ELAVL4: variants seen among roughly 807,000 people sequenced by gnomAD.
ELAVL4 encodes the protein ELAV-like protein 4.
In ELAVL4, 1 loss-of-function variant was observed where a neutral mutation model predicts 35.6. That is an observed-to-expected ratio of 0.03 (90% CI 0.01 to 0.13). The LOEUF is 0.13. Among genes scored for constraint, ELAVL4 ranks in the 10% least tolerant of loss-of-function variants. The pLI is 1.00. For synonymous variants in ELAVL4, 156 were observed against 171.0 expected, an observed-to-expected ratio of 0.91 and a Z score of 0.69; for missense variants, 267 against 464.9, an observed-to-expected ratio of 0.57 and a Z score of 3.91.
At chr1:50,172,340 T>G (rs1159354639) in intron 2 of ELAVL4, among the ~76,000 whole-genome samples, 2 of 152,196 alleles carry the variant, frequency 1.3e-5, no homozygotes, top group Non-Finnish European at 2.9e-5. Flanking sequence ...CTGGAGATAA[T>G]TTACTCTTTC....
At chr1:50,184,709 T>TA (rs1557850449) in intron 3 of ELAVL4, among the ~76,000 whole-genome samples, 2 of 152,162 alleles carry the variant, frequency 1.3e-5, no homozygotes, top group Non-Finnish European at 2.9e-5. Flanking sequence ...AGAACCTGTG[T>TA]AGCTATCAGA....
chr1:50,151,043 C>T (rs1674695501), intron 2 of ELAVL4, among the ~76,000 whole-genome samples: 1 of 152,190 alleles, frequency 6.6e-6, no homozygotes, highest in Non-Finnish European at 1.5e-5. Flanking sequence ...GACGGAGTCT[C>T]ACATAATCCT....
Position 50,201,965 on chromosome 1 carries a change from A to G in ELAVL4, c.*787A>G, listed in dbSNP as rs1428880217. ...CAAGAGAATCTGGATTTGAGAAAAA[A>G]ATATTTTGACTGGCTAATTTAGGGG... On this transcript the variant is annotated 3_prime_UTR_variant, in exon 7 of 7. Coordinates refer to ENST00000371824, the MANE Select transcript of ELAVL4 (RefSeq NM_001144774.3). The surrounding 1 kb of genome is among the most constrained non-coding windows in gnomAD (Gnocchi z 4.3). 1 of 152,174 alleles carries G rather than the reference A, an allele frequency of 6.6e-6. No individual in the cohort carries two copies. Among genetic ancestry groups the G allele is most frequent in the African/African-American group, 2.4e-5 (1 of 41,444 alleles). 9.4% of individuals were successfully genotyped at this position (152,174 alleles called of 1,614,324 possible).
intron 2 of ELAVL4, 85 bp from the exon 3 acceptor site, chr1:50,177,001 TAAA>T: frequency 1.8e-6 from 2 of 1,116,544 alleles, no homozygotes; most frequent in Non-Finnish European, 2.6e-6. Context: ...GTTGCCTCTA[TAAA>T]GATACTGAGC....
chr1:50,133,625 AAGAAAG>A (rs944700687), intron 1 of ELAVL4, among the ~76,000 whole-genome samples: 2 of 150,904 alleles, frequency 1.3e-5, no homozygotes, highest in Admixed American at 6.6e-5. Flanking sequence ...GAAAGAAAGA[AAGAAAG>A]AAAGAAAGAA....
In ELAVL4 at chr1:50,156,859, ATTG is replaced by A. The variant is rs575150879; in HGVS notation, c.250+11664_250+11666del. 1.4e-3 allele frequency among the ~76,000 whole-genome samples: 212 copies of A among 152,308 alleles called. 1 individual carries two copies. In the Middle Eastern group the frequency reaches 0.017, roughly 12 times the overall value. ...TCCTGAGTCATGAATGTGGCTGTAC[ATTG>A]TATTCCAGTAAACCTCAGGAATAGC... On this transcript the variant is annotated intron_variant, in intron 2 of 6. Transcript: ENST00000371824.
intron 2 of ELAVL4, among the ~76,000 whole-genome samples, chr1:50,165,352 A>G (rs1325513603): frequency 2.0e-5 from 3 of 151,696 alleles, no homozygotes; most frequent in African/African-American, 4.8e-5. Context: ...CTGCTCTAAC[A>G]TCATGTTAGC....
At chr1:50,109,607 A>C in intron 1 of ELAVL4, 1 of 418,226 alleles carries the variant, frequency 2.4e-6, no homozygotes, top group South Asian at 3.2e-5. Flanking sequence ...GGAATCTCTC[A>C]ATTTCCGTGC....
chr1:50,089,315 G>T (rs1665390299), intron 1 of ELAVL4, among the ~76,000 whole-genome samples: 1 of 152,190 alleles, frequency 6.6e-6, no homozygotes, highest in African/African-American at 2.4e-5. Context: ...AATTAAAGAT[G>T]TAAGGCATTG....
At chr1:50,162,373 A>T (rs1038820256) in intron 2 of ELAVL4, among the ~76,000 whole-genome samples, 2 of 152,178 alleles carry the variant, frequency 1.3e-5, no homozygotes, top group Non-Finnish European at 2.9e-5. Flanking sequence ...CCCTTAAGGA[A>T]CTTAGGGTCT....
chr1:50,065,113 G>C (rs1284853001), intron 1 of ELAVL4, among the ~76,000 whole-genome samples: 1 of 152,118 alleles, frequency 6.6e-6, no homozygotes, highest in African/African-American at 2.4e-5. Flanking sequence ...TGGAGTTACA[G>C]CCCAACCAGT....
intron 1 of ELAVL4, among the ~76,000 whole-genome samples, chr1:50,098,841 A>AGCATCCTTTCTGGGCATAAGAGG (rs1324399099): frequency 1.3e-5 from 2 of 152,192 alleles, no homozygotes; most frequent in Middle Eastern, 3.2e-3. Context: ...AGAGAAAGGA[A>AGCATCCTTTCTGGGCATAAGAGG]GCATCCTTTC....
intron 1 of ELAVL4, among the ~76,000 whole-genome samples, chr1:50,077,546 A>G (rs1387313349): frequency 6.6e-6 from 1 of 152,204 alleles, no homozygotes; most frequent in Non-Finnish European, 1.5e-5. Context: ...TATTCAGTCT[A>G]CTGAGCCAAA....
chr1:50,171,811 A>T (rs1230252975), intron 2 of ELAVL4, among the ~76,000 whole-genome samples: 2 of 152,142 alleles, frequency 1.3e-5, no homozygotes, highest in Non-Finnish European at 2.9e-5. Context: ...AGCAAGAAAG[A>T]CCTCTCAGAA....
chr1:50,195,957 G>A (rs1644032180), intron 5 of ELAVL4, among the ~76,000 whole-genome samples, 171 bp downstream of exon 5: 3 of 152,182 alleles, frequency 2.0e-5, no homozygotes, highest in African/African-American at 7.2e-5. Context: ...AAATGAGACA[G>A]TTGGAGCAGA....
intron 1 of ELAVL4, among the ~76,000 whole-genome samples, chr1:50,055,546 G>A (rs374944869): frequency 2.6e-5 from 4 of 151,952 alleles, no homozygotes; most frequent in African/African-American, 7.2e-5. Flanking sequence ...TGATCCACCC[G>A]CCTCGGCCTC....
intron 6 of ELAVL4, among the ~76,000 whole-genome samples, chr1:50,198,918 C>G (rs1182319210): frequency 2.0e-5 from 3 of 152,326 alleles, no homozygotes; most frequent in African/African-American, 4.8e-5. Flanking sequence ...AATCTCTTTG[C>G]TGGCCCTGAC....
At chr1:50,135,870 G>A (rs573575962) in intron 1 of ELAVL4, among the ~76,000 whole-genome samples, 1 of 152,194 alleles carries the variant, frequency 6.6e-6, no homozygotes, top group African/African-American at 2.4e-5. Flanking sequence ...CTAGTCCAGT[G>A]GTCTTTGTGA....
intron 6 of ELAVL4, among the ~76,000 whole-genome samples, chr1:50,199,354 CT>C (rs1414759429): frequency 1.3e-5 from 2 of 152,154 alleles, no homozygotes; most frequent in African/African-American, 2.4e-5. Flanking sequence ...GCTTTCTCTC[CT>C]TTTCCTATCT....
Sources: gnomAD v4.1 joint callset for allele counts (sites outside exome capture counted in the v4.1 genomes callset) on GRCh38, gnomAD v4.1.1 for gene constraint, Gnocchi (gnomAD v3.1) non-coding constraint, MANE v1.5 for transcripts, NCBI Gene and HGNC (gene_info 2026-07-23, HGNC 2026-07-21) for gene names.